CCSER1: variants seen among roughly 807,000 people sequenced by gnomAD.
The protein encoded by CCSER1 is serine-rich coiled-coil domain-containing protein 1.
CCSER1 carries 41 observed loss-of-function variants against 82.0 expected under a neutral mutation model. That is an observed-to-expected ratio of 0.50 (90% confidence interval 0.39 to 0.65). CCSER1 has a LOEUF of 0.65. Ranked by LOEUF, CCSER1 falls within the 30% of genes least tolerant of loss-of-function variation. CCSER1 has a pLI of 0.00. For missense variants in CCSER1, 1,119 were observed against 1,064.2 expected, an observed-to-expected ratio of 1.05 and a Z score of -0.72; for synonymous variants, 414 against 383.9, an observed-to-expected ratio of 1.08 and a Z score of -0.92.
intron 3 of CCSER1, among the ~76,000 whole-genome samples, chr4:90,397,578 C>T (rs937958531): frequency 1.2e-4 from 19 of 152,146 alleles, no homozygotes. Context: ...CTTGACTACA[C>T]AATTAAATCC....
intron 10 of CCSER1, among the ~76,000 whole-genome samples, chr4:91,590,301 A>G (rs532370910): frequency 1.3e-5 from 2 of 152,212 alleles, no homozygotes; most frequent in Non-Finnish European, 2.9e-5. Flanking sequence ...ATCTGAAAAA[A>G]AATCAGGTCC....
intron 3 of CCSER1, among the ~76,000 whole-genome samples, chr4:90,327,272 G>T (rs900619637): frequency 6.6e-6 from 1 of 151,996 alleles, no homozygotes; most frequent in East Asian, 1.9e-4. Flanking sequence ...TTTACCCATT[G>T]GTGTTCATTT....
intron 8 of CCSER1, among the ~76,000 whole-genome samples, chr4:90,849,990 C>T (rs918216307): frequency 1.3e-5 from 2 of 152,194 alleles, no homozygotes; most frequent in African/African-American, 4.8e-5. Context: ...ATGGGCTGGG[C>T]ACAGGGACAC....
At chr4:90,779,894 C>T (rs1753513228) in intron 7 of CCSER1, among the ~76,000 whole-genome samples, 1 of 152,162 alleles carries the variant, frequency 6.6e-6, no homozygotes. Context: ...AGAATCAAAT[C>T]TGAAAACCAA....
At position 90,304,029 on chromosome 4, in the gene CCSER1, C is replaced by CA. The variant is rs572520106; in HGVS notation, c.-41-4209dup. Among the ~76,000 whole-genome samples, 99 of 152,076 alleles carry CA rather than the reference C, an allele frequency of 6.5e-4. No homozygotes were observed. The East Asian group carries it at 0.016, about 25-fold the overall frequency. On this transcript the variant is annotated intron_variant, in intron 1 of 10. Transcript: ENST00000509176. ...CACTTCTCGAAGACATTTATGCAGC[C>CA]AAAAAACACATGAAAAAATGCTCAC...
At chr4:91,376,544 A>G (rs1015847749) in intron 10 of CCSER1, among the ~76,000 whole-genome samples, 1 of 152,178 alleles carries the variant, frequency 6.6e-6, no homozygotes, top group Admixed American at 6.6e-5. Flanking sequence ...AGGAAATTTC[A>G]AAGGTCAATA....
chr4:90,544,614 C>G (rs1776524315), intron 5 of CCSER1, among the ~76,000 whole-genome samples: 1 of 152,052 alleles, frequency 6.6e-6, no homozygotes, highest in Non-Finnish European at 1.5e-5. Flanking sequence ...GCCCGTATGG[C>G]TAGTCTTAGT....
intron 9 of CCSER1, among the ~76,000 whole-genome samples, chr4:91,057,180 A>G (rs78140300): frequency 0.021 from 3,138 of 152,280 alleles, 64 homozygotes; most frequent in African/African-American, 0.055. Flanking sequence ...CTGCTCCAGG[A>G]ACACATGCAT....
chr4:90,456,548 C>T (rs957202915), intron 4 of CCSER1, among the ~76,000 whole-genome samples: 1 of 152,066 alleles, frequency 6.6e-6, no homozygotes, highest in Admixed American at 6.6e-5. Flanking sequence ...CTCATTTGCC[C>T]CAGGACCTCC....
In CCSER1 at chr4:90,824,817, C is replaced by A. The variant is rs191818787; in HGVS notation, c.2094+8972C>A. On this transcript the variant is annotated intron_variant, in intron 8 of 10. Transcript: ENST00000509176. ...TCTTTTTCATATTTAGGAAACATTA[C>A]GAACAGAAAAGTAATAGATTAGGTA... Among the ~76,000 whole-genome samples the A allele has an allele frequency of 3.8e-3, 576 of 152,162 alleles. 4 individuals carry two copies. The highest frequency in any genetic ancestry group is 0.013 in the African/African-American group (554 of 41,548).
chr4:91,003,377 T>C (rs1041856558), intron 9 of CCSER1, among the ~76,000 whole-genome samples: 5 of 151,980 alleles, frequency 3.3e-5, no homozygotes, highest in African/African-American at 1.2e-4. Context: ...GAGCTCAGCC[T>C]CTCCTTGGGT....
chr4:91,509,819 A>G (rs1759724684), intron 10 of CCSER1, among the ~76,000 whole-genome samples: 2 of 152,150 alleles, frequency 1.3e-5, no homozygotes, highest in Admixed American at 1.3e-4. Context: ...ATAGATATAG[A>G]TACAGATGAA....
At chr4:90,363,338 A>C (rs1745709962) in intron 3 of CCSER1, among the ~76,000 whole-genome samples, 1 of 152,176 alleles carries the variant, frequency 6.6e-6, no homozygotes, top group Non-Finnish European at 1.5e-5. Flanking sequence ...TTTTCTGTTA[A>C]ATTTGTTTTT....
chr4:90,234,362 G>T (rs958424493), intron 1 of CCSER1, among the ~76,000 whole-genome samples: 1 of 151,904 alleles, frequency 6.6e-6, no homozygotes, highest in Non-Finnish European at 1.5e-5. Context: ...GATTACAGGT[G>T]CCCGCCACCA....
chr4:90,581,877 C>CT (rs34230137), intron 5 of CCSER1, among the ~76,000 whole-genome samples: 133 of 145,692 alleles, frequency 9.1e-4, no homozygotes, highest in African/African-American at 1.0e-3. Flanking sequence ...AAAGGAATGA[C>CT]TTTTTTTTTT....
chr4:91,227,690 G>T (rs1335111638), intron 10 of CCSER1, among the ~76,000 whole-genome samples: 6 of 151,480 alleles, frequency 4.0e-5, no homozygotes, highest in Admixed American at 4.0e-4. Context: ...CCCTTTTGGA[G>T]TCCACAGTGT....
At chr4:91,278,809 T>C (rs1742680659) in intron 10 of CCSER1, among the ~76,000 whole-genome samples, 1 of 152,188 alleles carries the variant, frequency 6.6e-6, no homozygotes, top group Non-Finnish European at 1.5e-5. Context: ...TCTGTGGTGG[T>C]AATATTTGAG....
chr4:90,139,510 T>A (rs1434277017), intron 1 of CCSER1, among the ~76,000 whole-genome samples: 1 of 152,230 alleles, frequency 6.6e-6, no homozygotes, highest in East Asian at 1.9e-4. Context: ...TTATTTTATT[T>A]TATTCTATTT....
chr4:90,940,700 T>C (rs963298897), intron 9 of CCSER1, among the ~76,000 whole-genome samples: 1 of 152,162 alleles, frequency 6.6e-6, no homozygotes, highest in Non-Finnish European at 1.5e-5. Flanking sequence ...TCTGCTGTTA[T>C]GCCAGCATGT....
Sources: gnomAD v4.1 joint callset for allele counts (sites outside exome capture counted in the v4.1 genomes callset) on GRCh38, gnomAD v4.1.1 for gene constraint, MANE v1.5 for transcripts, NCBI Gene and HGNC (gene_info 2026-07-23, HGNC 2026-07-21) for gene names.